Variants in SPIRE1 observed in about 807,000 individuals in gnomAD.
SPIRE1 encodes protein spire homolog 1.
SPIRE1 carries 40 observed loss-of-function variants against 94.1 expected under a neutral mutation model. The observed-to-expected ratio is 0.43, with a 90% CI of 0.33 to 0.55. SPIRE1 has a LOEUF of 0.55. Among genes scored for constraint, SPIRE1 ranks in the 20% least tolerant of loss-of-function variants. The probability of loss-of-function intolerance (pLI) is 0.06; values close to 1 mark genes in which losing one functional copy is unlikely to be tolerated. For missense variants in SPIRE1, 838 were observed against 975.2 expected (o/e 0.86, Z 1.87); for synonymous variants, 376 against 371.7 (o/e 1.01, Z -0.13).
At chr18:12,592,161 G>A (rs1049806819) in intron 2 of SPIRE1, among the ~76,000 whole-genome samples, 1 of 151,986 alleles carries the variant, frequency 6.6e-6, no homozygotes, top group African/African-American at 2.4e-5. Flanking sequence ...TTAAAACAAT[G>A]AAACCAGATG....
At chr18:12,483,462 G>A (rs1285549318) in intron 9 of SPIRE1, among the ~76,000 whole-genome samples, 1 of 151,992 alleles carries the variant, frequency 6.6e-6, no homozygotes, top group Non-Finnish European at 1.5e-5. Context: ...ATTTAGATAT[G>A]GCTTTAGAAA....
At chr18:12,460,149 C>T (rs2031719923) in intron 12 of SPIRE1, among the ~76,000 whole-genome samples, 1 of 152,202 alleles carries the variant, frequency 6.6e-6, no homozygotes, top group Non-Finnish European at 1.5e-5. Context: ...AGCGTTCACA[C>T]AGCAAGGATT....
intron 4 of SPIRE1, among the ~76,000 whole-genome samples, chr18:12,516,475 A>C (rs1302782533): frequency 6.6e-6 from 1 of 152,186 alleles, no homozygotes; most frequent in African/African-American, 2.4e-5. Flanking sequence ...TTGGAGAGGA[A>C]AGGGAGGGAG....
At chr18:12,498,062 G>C (rs1316504287) in intron 6 of SPIRE1, among the ~76,000 whole-genome samples, 1 of 152,042 alleles carries the variant, frequency 6.6e-6, no homozygotes. Flanking sequence ...CAAATGCTTG[G>C]GACTAGAGTG....
chr18:12,654,844 A>G (rs1314189026), intron 1 of SPIRE1, among the ~76,000 whole-genome samples: 2 of 151,902 alleles, frequency 1.3e-5, no homozygotes, highest in Non-Finnish European at 2.9e-5. Context: ...CCTGGCCAAC[A>G]TGGCGAAACC....
intron 11 of SPIRE1, among the ~76,000 whole-genome samples, chr18:12,464,161 T>C (rs1285775188): frequency 6.6e-6 from 1 of 152,138 alleles, no homozygotes; most frequent in Non-Finnish European, 1.5e-5. Flanking sequence ...TGTCCCACCA[T>C]GAGAAACCAC....
In SPIRE1 at chr18:12,453,098, G is replaced by A; in HGVS notation, c.1817C>T (p.Thr606Ile). 3 of 1,607,204 alleles carry A rather than the reference G, an allele frequency of 1.9e-6. No homozygotes were observed. Among genetic ancestry groups the A allele is most frequent in the Non-Finnish European group, 2.5e-6 (3 of 1,178,292 alleles). Residue 606 changes from threonine (T) to isoleucine (I), a missense_variant, in exon 14 of 17, where the codon ACT becomes ATT. Thr to Ile is a moderately conservative substitution (Grantham distance 89). This residue lies in a region of SPIRE1 where 645 missense variants were observed against 804.7 expected (regional missense o/e 0.80). Coordinates refer to ENST00000409402, the MANE Select transcript of SPIRE1 (RefSeq NM_001128626.2). ...ACAGAACTGACAGGTATAAGACCAA[G>A]TGAAGAAGGAAAACCTCCTGGTTCG... ...CCRTRRFSFF[T>I]WSYTCQFCKR...
intron 2 of SPIRE1, among the ~76,000 whole-genome samples, chr18:12,606,429 G>A (rs2036978027): frequency 6.6e-6 from 1 of 151,916 alleles, no homozygotes; most frequent in African/African-American, 2.4e-5. Context: ...AAAAGGAGAA[G>A]GTGTCTGATA....
chr18:12,488,582 AC>A (rs955945607), intron 8 of SPIRE1, among the ~76,000 whole-genome samples: 8 of 152,230 alleles, frequency 5.3e-5, no homozygotes, highest in African/African-American at 1.9e-4. Flanking sequence ...TTTATTTACA[AC>A]CCAAAAGCTC....
chr18:12,582,308 G>A (rs2036276831), intron 2 of SPIRE1, among the ~76,000 whole-genome samples: 1 of 152,046 alleles, frequency 6.6e-6, no homozygotes, highest in African/African-American at 2.4e-5. Context: ...GTCTCTTGTA[G>A]AGCAGATGAA....
intron 2 of SPIRE1, among the ~76,000 whole-genome samples, chr18:12,596,135 T>C (rs1185548130): frequency 6.6e-6 from 1 of 152,222 alleles, no homozygotes; most frequent in Non-Finnish European, 1.5e-5. Context: ...CAAGTCTGAC[T>C]GTGTATGAAT....
At chr18:12,582,866 T>TG (rs1265327130) in intron 2 of SPIRE1, among the ~76,000 whole-genome samples, 1 of 152,156 alleles carries the variant, frequency 6.6e-6, no homozygotes, top group East Asian at 1.9e-4. Context: ...TGCCTGATGC[T>TG]GGGGGTGTAC....
At position 12,493,648 on chromosome 18, in the gene SPIRE1, C is replaced by A. The variant is rs73403748; in HGVS notation, c.1060-447G>T. ...TCTCGATCTCCTGATCTCAAGTGAT[C>A]CACCCTCCTCAGTCTCCCAAAGTGC... On this transcript the variant is annotated intron_variant, in intron 7 of 16. Transcript: ENST00000409402. 5.5e-3 allele frequency among the ~76,000 whole-genome samples: 832 copies of A among 152,198 alleles called. 8 individuals carry two copies. The highest frequency in any genetic ancestry group is 0.019 in the African/African-American group (790 of 41,542).
chr18:12,524,955 G>A (rs1341373886), intron 4 of SPIRE1, among the ~76,000 whole-genome samples: 5 of 151,858 alleles, frequency 3.3e-5, no homozygotes. Flanking sequence ...GGGCAGCAGA[G>A]TGAGACCGTG....
intron 8 of SPIRE1, among the ~76,000 whole-genome samples, chr18:12,489,929 C>T (rs2033173405): frequency 6.6e-6 from 1 of 152,148 alleles, no homozygotes; most frequent in Non-Finnish European, 1.5e-5. Flanking sequence ...CTCCTACTTG[C>T]AATTACATGT....
rs369145476 is a variant in SPIRE1, at chr18:12,460,365, GA to G, written c.1638+2985del. 5.4e-3 allele frequency among the ~76,000 whole-genome samples: 824 copies of G among 151,848 alleles called. 7 individuals are homozygous for G. Among genetic ancestry groups the G allele is most frequent in the African/African-American group, 0.019 (769 of 41,398 alleles). Reference sequence around the variant, plus strand: ...GCCCTCGGTTATTTGACCAAATGATGAAAAAAAATGACATTTTAAACATCAC... The same window carrying G: ...GCCCTCGGTTATTTGACCAAATGATGAAAAAAATGACATTTTAAACATCAC... On this transcript the variant is annotated intron_variant, in intron 12 of 16. Coordinates refer to ENST00000409402, the MANE Select transcript of SPIRE1 (RefSeq NM_001128626.2).
At chr18:12,509,856 G>A (rs1006930035) in intron 5 of SPIRE1, among the ~76,000 whole-genome samples, 1 of 152,134 alleles carries the variant, frequency 6.6e-6, no homozygotes, top group Non-Finnish European at 1.5e-5. Flanking sequence ...GCCAAGGCGG[G>A]CGGATCACCA....
At chr18:12,476,541 CAAAAAAAA>C (rs558968043) in intron 10 of SPIRE1, among the ~76,000 whole-genome samples, 1 of 46,812 alleles carries the variant, frequency 2.1e-5, no homozygotes, top group Non-Finnish European at 5.6e-5. Flanking sequence ...ACTCTGTCTC[CAAAAAAAA>C]AAAAAAAAAA....
intron 13 of SPIRE1, 73 bp downstream of exon 13, chr18:12,454,273 C>G: frequency 6.4e-7 from 1 of 1,561,912 alleles, no homozygotes; most frequent in South Asian, 1.2e-5. Flanking sequence ...TAGCAGATAA[C>G]TCTCCCAGGA....
Sources: allele counts gnomAD v4.1 joint callset (sites outside exome capture counted in the v4.1 genomes callset), GRCh38; gene constraint gnomAD v4.1.1; regional missense constraint gnomAD v4.1.1; transcripts MANE v1.5; gene names NCBI Gene and HGNC (gene_info 2026-07-23, HGNC 2026-07-21).